Variants in PCDH15 observed in about 807,000 individuals in gnomAD.
PCDH15 encodes the protein protocadherin related 15.
In PCDH15, 129 loss-of-function variants were observed where a neutral mutation model predicts 178.5. That is an observed-to-expected ratio of 0.72 (90% CI 0.63 to 0.84). The LOEUF is 0.84. Ranked by LOEUF, PCDH15 falls within the 40% of genes least tolerant of loss-of-function variation. The pLI, the probability that PCDH15 is intolerant of heterozygous loss-of-function variation, is 0.00. For synonymous variants in PCDH15, 800 were observed against 732.0 expected, an observed-to-expected ratio of 1.09 and a Z score of -1.50; for missense variants, 2,230 against 2,099.9, an observed-to-expected ratio of 1.06 and a Z score of -1.21.
At chr10:55,400,337 T>A (rs1838032457) in intron 2 of PCDH15, among the ~76,000 whole-genome samples, 1 of 152,222 alleles carries the variant, frequency 6.6e-6, no homozygotes, top group South Asian at 2.1e-4. Context: ...GCCACCAAAA[T>A]GTGATGGACA....
chr10:54,799,410 T>C (rs1317918617), intron 1 of PCDH15, among the ~76,000 whole-genome samples: 2 of 152,132 alleles, frequency 1.3e-5, no homozygotes, highest in Non-Finnish European at 2.9e-5. Context: ...CAGATACTTA[T>C]CAAATATTAT....
intron 21 of PCDH15, among the ~76,000 whole-genome samples, chr10:53,963,371 C>G (rs1170413648): frequency 1.3e-5 from 2 of 152,094 alleles, no homozygotes; most frequent in Non-Finnish European, 2.9e-5. Context: ...TCCTTCCCAT[C>G]TGGTGCTCTG....
At chr10:55,246,018 T>A (rs1344296636) in intron 1 of PCDH15, among the ~76,000 whole-genome samples, 1 of 152,164 alleles carries the variant, frequency 6.6e-6, no homozygotes, top group Non-Finnish European at 1.5e-5. Context: ...AATACCAGTA[T>A]CCTACACAGA....
chr10:54,069,992 G>T (rs1023213562), intron 17 of PCDH15, among the ~76,000 whole-genome samples: 36 of 151,906 alleles, frequency 2.4e-4, no homozygotes, highest in African/African-American at 8.2e-4. Context: ...TTCCATCAAC[G>T]GAGTTTGCTC....
intron 1 of PCDH15, among the ~76,000 whole-genome samples, chr10:55,231,525 T>C (rs551091132): frequency 6.6e-6 from 1 of 152,170 alleles, no homozygotes; most frequent in East Asian, 1.9e-4. Context: ...GATGATCGTC[T>C]AAAACAAAAT....
At chr10:55,119,061 T>C (rs539369294) in intron 2 of PCDH15, among the ~76,000 whole-genome samples, 1 of 152,286 alleles carries the variant, frequency 6.6e-6, no homozygotes, top group Non-Finnish European at 1.5e-5. Flanking sequence ...TCTCCTGGTT[T>C]ACCATCACAT....
At chr10:54,539,757 G>C (rs2084994686) in intron 2 of PCDH15, among the ~76,000 whole-genome samples, 1 of 152,014 alleles carries the variant, frequency 6.6e-6, no homozygotes, top group South Asian at 2.1e-4. Context: ...AAATCCAAAA[G>C]AAGGTCTTTC....
At chr10:55,607,495 A>G (rs1368857504) in intron 2 of PCDH15, among the ~76,000 whole-genome samples, 2 of 129,980 alleles carry the variant, frequency 1.5e-5, no homozygotes, top group Non-Finnish European at 3.2e-5. Context: ...CTTGGAACCA[A>G]CCCAAATGTC....
At chr10:55,155,966 G>A (rs1838876445) in intron 2 of PCDH15, among the ~76,000 whole-genome samples, 2 of 152,112 alleles carry the variant, frequency 1.3e-5, no homozygotes, top group Non-Finnish European at 2.9e-5. Flanking sequence ...AGCCAGAGCT[G>A]CAGCTGAATC....
chr10:55,217,918 G>T (rs888829556), intron 1 of PCDH15, among the ~76,000 whole-genome samples: 16 of 151,904 alleles, frequency 1.1e-4, no homozygotes, highest in Non-Finnish European at 1.5e-5. Flanking sequence ...GTAAACATAA[G>T]AATCTTACTA....
intron 2 of PCDH15, among the ~76,000 whole-genome samples, chr10:55,366,714 A>G (rs1274848394): frequency 6.6e-6 from 1 of 152,208 alleles, no homozygotes; most frequent in Non-Finnish European, 1.5e-5. Flanking sequence ...TATTGATTTA[A>G]TAAGGTTTAT....
intron 1 of PCDH15, among the ~76,000 whole-genome samples, chr10:54,683,182 T>C (rs1372263838): frequency 1.3e-5 from 2 of 152,162 alleles, no homozygotes; most frequent in Non-Finnish European, 2.9e-5. Flanking sequence ...TTTGTTGTGG[T>C]AAAATGTACA....
At chr10:53,870,814 A>C (rs2079786829) in intron 26 of PCDH15, among the ~76,000 whole-genome samples, 1 of 152,216 alleles carries the variant, frequency 6.6e-6, no homozygotes, top group African/African-American at 2.4e-5. Context: ...CAATAACAGG[A>C]TACGATATCT....
At chr10:54,258,306 CAT>C (rs1396653692) in intron 8 of PCDH15, among the ~76,000 whole-genome samples, 1 of 152,012 alleles carries the variant, frequency 6.6e-6, no homozygotes, top group Non-Finnish European at 1.5e-5. Flanking sequence ...AACGGGAAGA[CAT>C]ATTATTTTGC....
At chr10:54,073,311 A>G (rs921210381) in intron 17 of PCDH15, among the ~76,000 whole-genome samples, 1 of 151,676 alleles carries the variant, frequency 6.6e-6, no homozygotes, top group African/African-American at 2.4e-5. Flanking sequence ...CATATATTGT[A>G]AAGATTCACA....
At chr10:54,172,088 G>C (rs552158765) in intron 13 of PCDH15, among the ~76,000 whole-genome samples, 1 of 152,060 alleles carries the variant, frequency 6.6e-6, no homozygotes, top group Non-Finnish European at 1.5e-5. Context: ...CCAAGCCATC[G>C]CATCCCCTGT....
At chr10:54,067,308 T>C (rs1035546998) in intron 17 of PCDH15, among the ~76,000 whole-genome samples, 13 of 152,182 alleles carry the variant, frequency 8.5e-5, no homozygotes, top group Admixed American at 8.5e-4. Context: ...CATTATAAAA[T>C]AGCATGGTAC....
At chr10:54,208,217 T>C (rs998591763) in intron 10 of PCDH15, among the ~76,000 whole-genome samples, 2 of 152,038 alleles carry the variant, frequency 1.3e-5, no homozygotes, top group Admixed American at 6.6e-5. Flanking sequence ...ATGCCTGAAA[T>C]TTCTGTGGGG....
intron 2 of PCDH15, among the ~76,000 whole-genome samples, chr10:54,569,480 T>C (rs1408223878): frequency 6.6e-6 from 1 of 152,148 alleles, no homozygotes; most frequent in Non-Finnish European, 1.5e-5. Context: ...TTAAAATCAT[T>C]AGTACACAAA....
Sources: gnomAD v4.1 joint callset for allele counts (sites outside exome capture counted in the v4.1 genomes callset) on GRCh38, gnomAD v4.1.1 for gene constraint, MANE v1.5 for transcripts, NCBI Gene and HGNC (gene_info 2026-07-23, HGNC 2026-07-21) for gene names.